Variants in FNDC3A observed in about 807,000 individuals in gnomAD.
FNDC3A encodes fibronectin type-III domain-containing protein 3A.
A neutral mutation model predicts 148.9 loss-of-function variants in FNDC3A; 32 were observed. The ratio of observed to expected loss-of-function variants is 0.21; its 90% CI spans 0.16 to 0.29. FNDC3A has a LOEUF of 0.29. Among genes scored for constraint, FNDC3A ranks in the 10% least tolerant of loss-of-function variants. FNDC3A has a pLI of 1.00. For missense variants in FNDC3A, 1,191 were observed against 1,452.8 expected (o/e 0.82, Z 2.93); for synonymous variants, 472 against 473.6 (o/e 1.00, Z 0.04).
chr13:49,062,340 A>G (rs529963588), intron 2 of FNDC3A, among the ~76,000 whole-genome samples: 6 of 152,284 alleles, frequency 3.9e-5, no homozygotes, highest in Non-Finnish European at 2.9e-5. Context: ...GGGGGTAAAG[A>G]TGAAATTTGG....
chr13:49,178,095 C>T (rs1885120544), intron 13 of FNDC3A, among the ~76,000 whole-genome samples: 1 of 152,100 alleles, frequency 6.6e-6, no homozygotes, highest in African/African-American at 2.4e-5. Context: ...TGGAAATAGC[C>T]ATCCCAAACC....
intron 4 of FNDC3A, among the ~76,000 whole-genome samples, chr13:49,115,553 A>G (rs1299145561): frequency 6.6e-6 from 1 of 152,212 alleles, no homozygotes; most frequent in Non-Finnish European, 1.5e-5. Context: ...CAGCAAAAGA[A>G]GAGCGTGCTG....
At chr13:49,028,888 A>G (rs891093997) in intron 2 of FNDC3A, among the ~76,000 whole-genome samples, 4 of 152,230 alleles carry the variant, frequency 2.6e-5, no homozygotes, top group African/African-American at 7.2e-5. Context: ...ACCCAACAAC[A>G]GCAGCATGTA....
At chr13:49,149,870 A>G (rs957242794) in intron 8 of FNDC3A, among the ~76,000 whole-genome samples, 1 of 152,136 alleles carries the variant, frequency 6.6e-6, no homozygotes, top group African/African-American at 2.4e-5. Context: ...ATTACTCGTT[A>G]TTGGTTGGTT....
chr13:48,990,785 A>G (rs1197408871), intron 1 of FNDC3A, among the ~76,000 whole-genome samples: 1 of 152,138 alleles, frequency 6.6e-6, no homozygotes, highest in Non-Finnish European at 1.5e-5. Flanking sequence ...CATGAGGTTT[A>G]AAACATGTAA....
At chr13:49,176,871 G>T (rs1313166008) in intron 13 of FNDC3A, among the ~76,000 whole-genome samples, 1 of 152,140 alleles carries the variant, frequency 6.6e-6, no homozygotes, top group Non-Finnish European at 1.5e-5. Context: ...CACAATCTCA[G>T]TTCACTTCAG....
chr13:48,984,233 A>G (rs1328519665), intron 1 of FNDC3A, among the ~76,000 whole-genome samples: 1 of 152,248 alleles, frequency 6.6e-6, no homozygotes, highest in Non-Finnish European at 1.5e-5. Flanking sequence ...ACTTAATGCC[A>G]TAAAAATGAC....
intron 3 of FNDC3A, among the ~76,000 whole-genome samples, chr13:49,107,586 A>G (rs549240645): frequency 2.0e-5 from 3 of 152,220 alleles, no homozygotes; most frequent in Non-Finnish European, 2.9e-5. Flanking sequence ...TTCTTCTGCA[A>G]ATAGAGGAAA....
At chr13:49,044,294 A>C (rs1875184078) in intron 2 of FNDC3A, 1 of 177,404 alleles carries the variant, frequency 5.6e-6, no homozygotes, top group Non-Finnish European at 1.2e-5. Context: ...AGAGTCTATT[A>C]TTCCATGCTC....
intron 8 of FNDC3A, among the ~76,000 whole-genome samples, chr13:49,163,622 C>T (rs1884294710): frequency 6.6e-6 from 1 of 152,174 alleles, no homozygotes; most frequent in African/African-American, 2.4e-5. Flanking sequence ...CTTTGGCTCA[C>T]ACTCCTTGGG....
intron 2 of FNDC3A, among the ~76,000 whole-genome samples, chr13:49,016,526 A>G (rs908003282): frequency 6.6e-5 from 10 of 151,892 alleles, no homozygotes; most frequent in South Asian, 2.1e-4. Context: ...TGGTCTATCA[A>G]TCTTGTTGAT....
intron 3 of FNDC3A, among the ~76,000 whole-genome samples, chr13:49,099,075 C>A (rs890050893): frequency 3.3e-5 from 5 of 152,112 alleles, no homozygotes; most frequent in Non-Finnish European, 7.4e-5. Context: ...GACCTTATAT[C>A]CCAATTTGTC....
intron 2 of FNDC3A, among the ~76,000 whole-genome samples, chr13:49,018,820 A>G (rs1042215360): frequency 5.3e-5 from 8 of 152,254 alleles, no homozygotes; most frequent in Admixed American, 1.3e-4. Context: ...TCCTTCTAAC[A>G]GACAGGACCC....
In FNDC3A at chr13:49,201,828, C is replaced by G. The variant is rs1169624998; in HGVS notation, c.3016C>G (p.His1006Asp). The G allele has an allele frequency of 6.4e-7, 1 of 1,557,660 alleles. No individual in the cohort carries two copies. ...TGTATCCCTATACAGAGGACCATGT[C>G]ATACATACAAAGTACAAAGACTTAA... is the stretch of plus-strand genomic sequence containing the variant. ...RFVSLYRGPC[H>D]TYKVQRLNES... is the part of the protein sequence containing the mutation. Residue 1006 changes from histidine to aspartate, a missense_variant, in exon 24 of 26, where the codon CAT becomes GAT. By Grantham distance (81) the His-to-Asp change is moderately conservative. Transcript: ENST00000492622.
At chr13:49,119,032 G>A (rs1345219530) in intron 4 of FNDC3A, among the ~76,000 whole-genome samples, 2 of 152,198 alleles carry the variant, frequency 1.3e-5, no homozygotes, top group African/African-American at 4.8e-5. Flanking sequence ...TCCTCAAGTG[G>A]TTCCCTAACC....
In FNDC3A at chr13:49,209,248, T is replaced by A. The variant is rs1410200896; in HGVS notation, c.*1853T>A. ...TAAAATGGTAAAATGTGCCACTGTGTCAAGTTACAGTGGCTTATGTTTTTC... is the reference window on the plus strand; with the variant it reads ...TAAAATGGTAAAATGTGCCACTGTGACAAGTTACAGTGGCTTATGTTTTTC... On this transcript the variant is annotated 3_prime_UTR_variant, in exon 26 of 26. Transcript: ENST00000492622. 6.6e-6 allele frequency: 1 copy of A among 152,616 alleles called. No homozygotes were observed. The highest frequency in any genetic ancestry group is 1.5e-5 in the Non-Finnish European group (1 of 68,018). 9.5% of individuals were successfully genotyped at this position (152,616 alleles called of 1,614,324 possible). A position where few individuals can be genotyped will look rare whatever the true frequency, so the allele number is the denominator to read the frequency against.
chr13:49,179,809 T>C (rs981358418), intron 14 of FNDC3A, among the ~76,000 whole-genome samples: 6 of 152,214 alleles, frequency 3.9e-5, no homozygotes, highest in Non-Finnish European at 5.9e-5. Flanking sequence ...ATTTCTAGTC[T>C]CATCTTAAAC....
At chr13:49,110,128 A>G (rs1880451847) in intron 3 of FNDC3A, among the ~76,000 whole-genome samples, 1 of 152,166 alleles carries the variant, frequency 6.6e-6, no homozygotes, top group African/African-American at 2.4e-5. Context: ...AGATGGTCAA[A>G]TTCAGGGCAG....
At chr13:49,132,434 A>G (rs1007660156) in intron 5 of FNDC3A, among the ~76,000 whole-genome samples, 1 of 152,198 alleles carries the variant, frequency 6.6e-6, no homozygotes, top group Admixed American at 6.5e-5. Context: ...ATAAGTCTTC[A>G]TTGTAGAGGA....
Sources: gnomAD v4.1 joint callset for allele counts (sites outside exome capture counted in the v4.1 genomes callset) on GRCh38, gnomAD v4.1.1 for gene constraint, MANE v1.5 for transcripts, NCBI Gene and HGNC (gene_info 2026-07-23, HGNC 2026-07-21) for gene names.